Variants in KCNIP4 observed in about 807,000 individuals in gnomAD.
KCNIP4 encodes Kv channel-interacting protein 4.
Under a neutral mutation model 34.0 loss-of-function variants are expected in KCNIP4, and 12 were observed. The observed-to-expected ratio is 0.35, with a 90% CI of 0.23 to 0.57. KCNIP4 has a LOEUF of 0.57. KCNIP4 is among the 20% of genes least tolerant of loss of function. The pLI is 0.83. For synonymous variants in KCNIP4, 124 were observed against 102.2 expected, an observed-to-expected ratio of 1.21 and a Z score of -1.29; for missense variants, 238 against 311.7, an observed-to-expected ratio of 0.76 and a Z score of 1.78.
chr4:21,519,459 T>C (rs200500933), intron 1 of KCNIP4, among the ~76,000 whole-genome samples: 20 of 65,170 alleles, frequency 3.1e-4, no homozygotes, highest in African/African-American at 3.6e-4. Context: ...TATATACACA[T>C]ATGTGTGTAT....
intron 1 of KCNIP4, among the ~76,000 whole-genome samples, chr4:21,329,180 C>T (rs1156663517): frequency 6.6e-6 from 1 of 152,152 alleles, no homozygotes; most frequent in East Asian, 1.9e-4. Context: ...TGACTTTATG[C>T]CTTCTACGAT....
At chr4:20,772,632 C>G (rs971511597) in intron 3 of KCNIP4, among the ~76,000 whole-genome samples, 1 of 151,644 alleles carries the variant, frequency 6.6e-6, no homozygotes, top group Non-Finnish European at 1.5e-5. Flanking sequence ...TTCCCTTTCT[C>G]TCTCTCTTTC....
intron 1 of KCNIP4, among the ~76,000 whole-genome samples, chr4:21,589,326 A>C (rs1045371060): frequency 7.0e-6 from 1 of 142,748 alleles, no homozygotes; most frequent in African/African-American, 2.7e-5. Context: ...GTACATATAC[A>C]CGTGTATATA....
At chr4:21,322,598 G>A (rs529011165) in intron 1 of KCNIP4, among the ~76,000 whole-genome samples, 43 of 152,028 alleles carry the variant, frequency 2.8e-4, no homozygotes, top group Middle Eastern at 6.8e-3. Flanking sequence ...AGCTGGCACC[G>A]GCCTTCTAAA....
At chr4:21,640,339 C>T (rs1453958308) in intron 1 of KCNIP4, among the ~76,000 whole-genome samples, 8 of 152,114 alleles carry the variant, frequency 5.3e-5, no homozygotes, top group African/African-American at 1.2e-4. Context: ...CTGTATTTTC[C>T]GGCAGACAAA....
In KCNIP4 at chr4:21,922,117, C is replaced by T. The variant is rs1047741841; in HGVS notation, c.61+26454G>A. On this transcript the variant is annotated intron_variant, in intron 1 of 8. Coordinates refer to ENST00000382152, the MANE Select transcript of KCNIP4 (RefSeq NM_025221.6). ...TCTTTGCATGAGCAGTGTCTTCTCT[C>T]GGGAAAACTTTTCCTCCAGATAGTC... Among the ~76,000 whole-genome samples the T allele has an allele frequency of 2.6e-5, 4 of 152,292 alleles. No individual in the cohort carries two copies. The South Asian group carries it at 6.2e-4, about 24-fold the overall frequency.
At position 20,746,215 on chromosome 4, in the gene KCNIP4, A is replaced by G. The variant is rs536925022; in HGVS notation, c.429+3447T>C. 1.5e-3 allele frequency among the ~76,000 whole-genome samples: 235 copies of G among 152,312 alleles called. 2 individuals are homozygous for G. The highest frequency in any genetic ancestry group is 3.1e-3 in the Non-Finnish European group (214 of 68,034). ...TGCAGCCATAAAAAAGGATGAGTTCATGTCCTTTGTGGGGAATGAAGCTGG... is the reference window on the plus strand; with the variant it reads ...TGCAGCCATAAAAAAGGATGAGTTCGTGTCCTTTGTGGGGAATGAAGCTGG... On this transcript the variant is annotated intron_variant, in intron 5 of 8. Coordinates refer to ENST00000382152, the MANE Select transcript of KCNIP4 (RefSeq NM_025221.6).
Position 20,731,334 on chromosome 4 carries a change from A to T in KCNIP4, c.705+672T>A, listed in dbSNP as rs1204358684. 6.4e-6 allele frequency: 6 copies of T among 940,132 alleles called. No individual in the cohort carries two copies. The Admixed American group carries it at 3.7e-4, about 58-fold the overall frequency. The allele number at this position is 940,132 out of a possible 1,614,324, so 58.2% of individuals were successfully genotyped here. A position where few individuals can be genotyped will look rare whatever the true frequency, so the allele number is the denominator to read the frequency against. On this transcript the variant is annotated intron_variant, in intron 8 of 8. Coordinates refer to ENST00000382152, the MANE Select transcript of KCNIP4 (RefSeq NM_025221.6). ...AGTTATCTTCCCGCCTCAGCCTCCC[A>T]TAGTGCTGGGATTACAGTTGTGAGC... is the stretch of plus-strand genomic sequence containing the variant.
chr4:21,902,646 TGA>T (rs1018511753), intron 1 of KCNIP4, among the ~76,000 whole-genome samples: 4 of 152,072 alleles, frequency 2.6e-5, no homozygotes, highest in Admixed American at 2.6e-4. Flanking sequence ...TGAGAAGCTC[TGA>T]GAGATCATTT....
intron 3 of KCNIP4, among the ~76,000 whole-genome samples, chr4:20,819,249 C>T (rs1310300553): frequency 2.0e-5 from 3 of 152,150 alleles, no homozygotes; most frequent in Admixed American, 6.6e-5. Context: ...AACAAAGTTA[C>T]ACTGTTAATA....
At chr4:21,022,335 C>T (rs991767450) in intron 1 of KCNIP4, among the ~76,000 whole-genome samples, 4 of 152,226 alleles carry the variant, frequency 2.6e-5, no homozygotes, top group African/African-American at 9.6e-5. Flanking sequence ...TCTGTGTAAG[C>T]ATCTTAAAAA....
At chr4:21,850,014 C>T (rs956389679) in intron 1 of KCNIP4, 1 of 152,026 alleles carries the variant, frequency 6.6e-6, no homozygotes, top group African/African-American at 2.4e-5. Flanking sequence ...ATTCCTACAA[C>T]ACATTTCAAC....
intron 1 of KCNIP4, among the ~76,000 whole-genome samples, chr4:21,386,036 A>G (rs1183754956): frequency 2.0e-5 from 3 of 152,292 alleles, no homozygotes; most frequent in East Asian, 1.9e-4. Context: ...TTCAAAGGCT[A>G]TATTTTAGTC....
chr4:21,126,960 A>T (rs1218551786), intron 1 of KCNIP4, among the ~76,000 whole-genome samples: 1 of 152,248 alleles, frequency 6.6e-6, no homozygotes, highest in South Asian at 2.1e-4. Context: ...AAGGTCAGGC[A>T]TGAATAGCAA....
At chr4:20,999,443 T>TG (rs1560634294) in intron 1 of KCNIP4, among the ~76,000 whole-genome samples, 2 of 113,476 alleles carry the variant, frequency 1.8e-5, no homozygotes, top group African/African-American at 3.7e-5. Flanking sequence ...TTTTTGTTTT[T>TG]TTTTTTTTTT....
intron 3 of KCNIP4, among the ~76,000 whole-genome samples, chr4:20,846,620 C>T (rs924753651): frequency 6.6e-6 from 1 of 151,968 alleles, no homozygotes; most frequent in African/African-American, 2.4e-5. Context: ...TAAAAATCCT[C>T]AAAAATAAGA....
At chr4:21,717,837 T>G (rs890709556) in intron 1 of KCNIP4, among the ~76,000 whole-genome samples, 1 of 152,226 alleles carries the variant, frequency 6.6e-6, no homozygotes, top group Non-Finnish European at 1.5e-5. Context: ...TTCTGTTTTA[T>G]ATTCCAAATC....
chr4:21,906,188 A>G (rs967779915), intron 1 of KCNIP4, among the ~76,000 whole-genome samples: 1 of 152,184 alleles, frequency 6.6e-6, no homozygotes, highest in African/African-American at 2.4e-5. Context: ...AATGACTCCC[A>G]AAGTCATTGC....
At chr4:20,887,484 G>C (rs981391702) in intron 1 of KCNIP4, among the ~76,000 whole-genome samples, 1 of 151,796 alleles carries the variant, frequency 6.6e-6, no homozygotes, top group Non-Finnish European at 1.5e-5. Context: ...ATGAAAAAAG[G>C]CTTTAAAATG....
Sources: gnomAD v4.1 joint callset for allele counts (sites outside exome capture counted in the v4.1 genomes callset) on GRCh38, gnomAD v4.1.1 for gene constraint, MANE v1.5 for transcripts, NCBI Gene and HGNC (gene_info 2026-07-23, HGNC 2026-07-21) for gene names.